AKAP19: variants seen among roughly 807,000 people sequenced by gnomAD.
The protein encoded by AKAP19 is A-kinase anchoring protein 19, also known as small A-kinase anchoring protein.
chr2:189,905,492 A>G, the AKAP19 span, among the ~76,000 whole-genome samples: 1 of 152,060 alleles, frequency 6.6e-6, no homozygotes, highest in Non-Finnish European at 1.5e-5. Flanking sequence ...TCTGTAGCAG[A>G]TAAGGTAGTT....
the AKAP19 span, among the ~76,000 whole-genome samples, chr2:190,077,746 G>A: frequency 6.6e-6 from 1 of 152,184 alleles, no homozygotes; most frequent in Non-Finnish European, 1.5e-5. Flanking sequence ...CCTTTGAAGA[G>A]TGTTGAAGTT....
chr2:190,087,524 C>A, the AKAP19 span, among the ~76,000 whole-genome samples: 2 of 152,196 alleles, frequency 1.3e-5, no homozygotes, highest in African/African-American at 4.8e-5. Context: ...ATTTGGGACA[C>A]AGATATTCTC....
At chr2:190,093,846 G>C in the AKAP19 span, among the ~76,000 whole-genome samples, 1 of 152,190 alleles carries the variant, frequency 6.6e-6, no homozygotes, top group Non-Finnish European at 1.5e-5. Context: ...TTGGTAGCTT[G>C]ACCACAATCA....
the AKAP19 span, among the ~76,000 whole-genome samples, chr2:190,077,645 T>A: frequency 5.3e-5 from 8 of 152,190 alleles, no homozygotes. Flanking sequence ...TTCTATTGAC[T>A]GTTTTTTCCC....
chr2:189,926,114 C>G, the AKAP19 span, among the ~76,000 whole-genome samples: 1 of 152,060 alleles, frequency 6.6e-6, no homozygotes, highest in Admixed American at 6.5e-5. Flanking sequence ...CATTGATATT[C>G]GGTTGATCAC....
the AKAP19 span, among the ~76,000 whole-genome samples, chr2:189,993,515 T>C: frequency 6.6e-6 from 1 of 152,224 alleles, no homozygotes; most frequent in African/African-American, 2.4e-5. Flanking sequence ...ACTGGCTTTA[T>C]AGAATGTTTT....
chr2:189,898,661 C>A, the AKAP19 span, among the ~76,000 whole-genome samples: 10 of 152,256 alleles, frequency 6.6e-5, 1 homozygote, highest in East Asian at 1.5e-3. Context: ...TAACATCTCC[C>A]TGATTATCTT....
chr2:189,937,313 T>C, the AKAP19 span, among the ~76,000 whole-genome samples: 1 of 152,176 alleles, frequency 6.6e-6, no homozygotes, highest in Non-Finnish European at 1.5e-5. Context: ...CAGGTGTATA[T>C]GTCCTTCAGA....
the AKAP19 span, among the ~76,000 whole-genome samples, chr2:190,023,918 T>G: frequency 1.3e-5 from 2 of 151,738 alleles, no homozygotes; most frequent in East Asian, 3.9e-4. Flanking sequence ...TGACGTCTTT[T>G]AGATGTTTAG....
the AKAP19 span, among the ~76,000 whole-genome samples, chr2:189,943,600 C>T: frequency 2.8e-4 from 43 of 152,312 alleles, no homozygotes; most frequent in African/African-American, 8.7e-4. Flanking sequence ...AGGCCATTGT[C>T]CTCCAGACCC....
chr2:189,940,833 G>A, the AKAP19 span, among the ~76,000 whole-genome samples: 1 of 152,092 alleles, frequency 6.6e-6, no homozygotes, highest in Non-Finnish European at 1.5e-5. Flanking sequence ...GGAGCTTGCA[G>A]TGAGCCGAGA....
chr2:190,139,537 A>T, the AKAP19 span, among the ~76,000 whole-genome samples: 1,007 of 152,206 alleles, frequency 6.6e-3, 10 homozygotes, highest in African/African-American at 0.023. Flanking sequence ...GCCTCAGGAC[A>T]CCTACAATCA....
At chr2:190,067,471 A>G in the AKAP19 span, among the ~76,000 whole-genome samples, 1 of 151,096 alleles carries the variant, frequency 6.6e-6, no homozygotes, top group African/African-American at 2.5e-5. Flanking sequence ...TTAATGAGAC[A>G]TCAAACATGG....
the AKAP19 span, among the ~76,000 whole-genome samples, chr2:190,075,991 A>T: frequency 2.0e-5 from 3 of 151,944 alleles, no homozygotes; most frequent in Admixed American, 2.0e-4. Flanking sequence ...GATATTTTTT[A>T]ATTATCATAG....
At chr2:190,143,910 C>T in the AKAP19 span, among the ~76,000 whole-genome samples, 42 of 147,694 alleles carry the variant, frequency 2.8e-4, no homozygotes, top group Non-Finnish European at 5.1e-4. Flanking sequence ...TCTCAGTAAA[C>T]TATCGCAAGA....
the AKAP19 span, among the ~76,000 whole-genome samples, chr2:190,045,791 G>T: frequency 8.5e-5 from 13 of 152,124 alleles, no homozygotes; most frequent in African/African-American, 3.1e-4. Context: ...AGTATGTACG[G>T]GGGTCTAAAC....
the AKAP19 span, among the ~76,000 whole-genome samples, chr2:189,944,282 G>A: frequency 6.6e-6 from 1 of 152,136 alleles, no homozygotes; most frequent in Non-Finnish European, 1.5e-5. Context: ...GCTCTCATGA[G>A]ATCTAGTCAT....
chr2:189,908,774 C>T, the AKAP19 span, among the ~76,000 whole-genome samples: 1 of 152,168 alleles, frequency 6.6e-6, no homozygotes, highest in South Asian at 2.1e-4. Context: ...TGTGGCCTAA[C>T]ATATGCTCTG....
At chr2:190,133,832 G>A in the AKAP19 span, among the ~76,000 whole-genome samples, 1 of 152,170 alleles carries the variant, frequency 6.6e-6, no homozygotes, top group South Asian at 2.1e-4. Flanking sequence ...GACTGGGTCT[G>A]GGGTTGTAGA....
Sources: allele counts gnomAD v4.1 joint callset (sites outside exome capture counted in the v4.1 genomes callset), GRCh38; gene constraint gnomAD v4.1.1; transcripts MANE v1.5; gene names NCBI Gene and HGNC (gene_info 2026-07-23, HGNC 2026-07-21).